Variants in GADL1 observed in about 807,000 individuals in gnomAD.
The protein encoded by GADL1 is acidic amino acid decarboxylase GADL1.
GADL1 carries 71 observed loss-of-function variants against 69.5 expected under a neutral mutation model. The ratio of observed to expected loss-of-function variants is 1.02; its 90% CI spans 0.84 to 1.25. GADL1 has a LOEUF of 1.25. Among genes scored for constraint, GADL1 ranks in the 50% most tolerant of loss-of-function variants. GADL1 has a pLI of 0.00. For synonymous variants in GADL1, 254 were observed against 214.4 expected (o/e 1.18, Z -1.62); for missense variants, 737 against 631.8 (o/e 1.17, Z -1.79).
At chr3:30,844,555 T>G in intron 6 of GADL1, 89 bp from the exon 7 acceptor site, 1 of 864,826 alleles carries the variant, frequency 1.2e-6, no homozygotes, top group Middle Eastern at 2.2e-4. Flanking sequence ...GATGAAAGTA[T>G]GGCTGAGCAC....
intron 11 of GADL1, among the ~76,000 whole-genome samples, chr3:30,805,786 GAC>G (rs1697242978): frequency 7.0e-6 from 1 of 142,720 alleles, no homozygotes; most frequent in African/African-American, 2.8e-5. Flanking sequence ...GCTCATGGGA[GAC>G]AGTTTTTCCA....
chr3:30,844,176 C>T (rs767902983), intron 8 of GADL1, 34 bp downstream of exon 8: 1 of 1,577,274 alleles, frequency 6.3e-7, no homozygotes, highest in South Asian at 1.1e-5. Flanking sequence ...CACACACACA[C>T]GTTCTCTCTC....
At chr3:30,813,272 T>C (rs886798932) in intron 11 of GADL1, among the ~76,000 whole-genome samples, 1 of 152,104 alleles carries the variant, frequency 6.6e-6, no homozygotes, top group Non-Finnish European at 1.5e-5. Context: ...TGGAGATATT[T>C]GGATTATTTG....
intron 1 of GADL1, among the ~76,000 whole-genome samples, chr3:30,888,933 C>G (rs144726320): frequency 1.3e-5 from 2 of 151,600 alleles, no homozygotes; most frequent in Non-Finnish European, 2.9e-5. Context: ...GCGGAACCAA[C>G]AGTAAAATTT....
intron 1 of GADL1, among the ~76,000 whole-genome samples, chr3:30,878,383 A>G (rs141149092): frequency 5.3e-4 from 80 of 152,014 alleles, no homozygotes; most frequent in African/African-American, 1.7e-3. Context: ...GAAGGAAGTG[A>G]TGGAGAACAT....
intron 1 of GADL1, among the ~76,000 whole-genome samples, chr3:30,864,764 G>A (rs906645216): frequency 6.6e-6 from 1 of 151,848 alleles, no homozygotes; most frequent in Non-Finnish European, 1.5e-5. Flanking sequence ...TCAATTTGAG[G>A]AATCTTCCAT....
chr3:30,752,043 A>AT (rs1243851831), intron 14 of GADL1, among the ~76,000 whole-genome samples: 3 of 152,230 alleles, frequency 2.0e-5, no homozygotes, highest in African/African-American at 7.2e-5. Flanking sequence ...GAATGCTTCT[A>AT]AAGGCTACCC....
At chr3:30,738,722 C>T (rs189712650) in intron 14 of GADL1, among the ~76,000 whole-genome samples, 3 of 152,096 alleles carry the variant, frequency 2.0e-5, no homozygotes, top group Admixed American at 6.6e-5. Context: ...AGCAGGCATA[C>T]GATGCTTTAG....
intron 14 of GADL1, among the ~76,000 whole-genome samples, chr3:30,759,865 A>G (rs1025403210): frequency 1.3e-5 from 2 of 152,170 alleles, no homozygotes; most frequent in African/African-American, 4.8e-5. Flanking sequence ...GTCGGCAGAT[A>G]TAACAGACTC....
intron 4 of GADL1, among the ~76,000 whole-genome samples, chr3:30,854,182 T>C (rs935380753): frequency 1.3e-5 from 2 of 152,162 alleles, no homozygotes; most frequent in African/African-American, 4.8e-5. Flanking sequence ...ACTTATTCAG[T>C]GTCAACTGTC....
At chr3:30,728,441 G>A (rs909535132) in intron 14 of GADL1, 26 bp from the exon 15 acceptor site, 2 of 1,597,302 alleles carry the variant, frequency 1.3e-6, no homozygotes, top group African/African-American at 2.7e-5. Flanking sequence ...AGGGGAGAGG[G>A]GTGAAAGACC....
At chr3:30,756,237 C>T (rs1487559497) in intron 14 of GADL1, among the ~76,000 whole-genome samples, 2 of 152,046 alleles carry the variant, frequency 1.3e-5, no homozygotes, top group Non-Finnish European at 2.9e-5. Context: ...ACAAGAGAAA[C>T]GTAAGTTCTG....
intron 11 of GADL1, among the ~76,000 whole-genome samples, chr3:30,807,566 AAAAT>A (rs771108089): frequency 3.3e-5 from 5 of 152,312 alleles, no homozygotes; most frequent in East Asian, 1.9e-4. Context: ...GGTATCACAT[AAAAT>A]AAGAATGACC....
chr3:30,753,709 C>G (rs1436574373), intron 14 of GADL1, among the ~76,000 whole-genome samples: 2 of 152,124 alleles, frequency 1.3e-5, no homozygotes, highest in Non-Finnish European at 2.9e-5. Flanking sequence ...CAACGTGAAT[C>G]CAGTGGGCAC....
chr3:30,861,650 C>A lies in GADL1; in HGVS notation c.153G>T (p.Glu51Asp). ...CCTCTTCCATTATTAGCCTACAGGC[C>A]TCTTCAACAAATTTTTCTCCAGCTT... ...DAKAGEKFVE[E>D]ACRLIMEEVV... Residue 51 changes from glutamate (E) to aspartate (D), a missense_variant, in exon 2 of 15, where the codon GAG becomes GAT. Physicochemically the swap from Glu to Asp is conservative, Grantham distance 45. Transcript: ENST00000282538. The A allele has an allele frequency of 2.6e-6, 4 of 1,550,356 alleles. No homozygotes were observed. The highest frequency in any genetic ancestry group is 2.7e-5 in the African/African-American group (2 of 73,006).
intron 1 of GADL1, among the ~76,000 whole-genome samples, chr3:30,893,341 A>G (rs999316711): frequency 2.0e-5 from 3 of 152,088 alleles, no homozygotes; most frequent in African/African-American, 4.8e-5. Context: ...TACATTGTTT[A>G]ATGACCAAAT....
At chr3:30,770,899 TC>T (rs1199816046) in intron 14 of GADL1, among the ~76,000 whole-genome samples, 2 of 152,218 alleles carry the variant, frequency 1.3e-5, no homozygotes, top group African/African-American at 4.8e-5. Flanking sequence ...TCTGGAGAGT[TC>T]AAGTTACTAT....
chr3:30,763,130 A>C (rs1696182136), intron 14 of GADL1, among the ~76,000 whole-genome samples: 1 of 151,992 alleles, frequency 6.6e-6, no homozygotes, highest in African/African-American at 2.4e-5. Flanking sequence ...GTCAAGTAGA[A>C]CTCTGTATGT....
At chr3:30,842,616 C>T (rs958075279) in intron 8 of GADL1, among the ~76,000 whole-genome samples, 1 of 151,310 alleles carries the variant, frequency 6.6e-6, no homozygotes, top group Admixed American at 6.6e-5. Context: ...ATTAATATTC[C>T]CCACCAACAA....
Sources: allele counts gnomAD v4.1 joint callset (sites outside exome capture counted in the v4.1 genomes callset), GRCh38; gene constraint gnomAD v4.1.1; transcripts MANE v1.5; gene names NCBI Gene and HGNC (gene_info 2026-07-23, HGNC 2026-07-21).